Variants in RIC8B observed in about 807,000 individuals in gnomAD.
The protein encoded by RIC8B is chaperone Ric-8B.
RIC8B carries 16 observed loss-of-function variants against 57.5 expected under a neutral mutation model. The ratio of observed to expected loss-of-function variants is 0.28; its 90% CI spans 0.19 to 0.42. RIC8B has a LOEUF of 0.42. Among genes scored for constraint, RIC8B ranks in the 10% least tolerant of loss-of-function variants. The probability of loss-of-function intolerance (pLI) is 1.00; values close to 1 mark genes in which losing one functional copy is unlikely to be tolerated. For missense variants in RIC8B, 481 were observed against 677.0 expected, an observed-to-expected ratio of 0.71 and a Z score of 3.21; for synonymous variants, 216 against 250.8, an observed-to-expected ratio of 0.86 and a Z score of 1.31.
At chr12:106,869,605 T>C (rs998770863) in intron 8 of RIC8B, among the ~76,000 whole-genome samples, 5 of 152,192 alleles carry the variant, frequency 3.3e-5, no homozygotes, top group Non-Finnish European at 7.3e-5. Flanking sequence ...AGCAATTTAT[T>C]AGCAATTGCT....
chr12:106,882,486 T>C (rs914384103), intron 9 of RIC8B, among the ~76,000 whole-genome samples: 2 of 152,148 alleles, frequency 1.3e-5, no homozygotes, highest in Admixed American at 6.6e-5. Context: ...TTATTATTAT[T>C]ATTATTATTA....
intron 9 of RIC8B, chr12:106,872,922 A>G (rs920087880): frequency 1.7e-6 from 1 of 586,402 alleles, no homozygotes; most frequent in East Asian, 1.4e-4. Context: ...AAGACTACAC[A>G]GTATAATCCA....
In RIC8B at chr12:106,775,240, G is replaced by A. The variant is rs147093031; in HGVS notation, c.84+411G>A. The A allele has an allele frequency of 4.5e-4, 195 of 430,540 alleles. 1 individual carries two copies. Among genetic ancestry groups the A allele is most frequent in the African/African-American group, 3.5e-3 (173 of 49,158 alleles). The allele number at this position is 430,540 out of a possible 1,614,324, so 26.7% of individuals were successfully genotyped here. A position where few individuals can be genotyped will look rare whatever the true frequency, so the allele number is the denominator to read the frequency against. ...CCCTTGACATGCATCAAATGTATCA[G>A]CAACGATGGCAGTTTCTATACGTTT... is the stretch of plus-strand genomic sequence containing the variant. On this transcript the variant is annotated intron_variant, in intron 1 of 9. Coordinates refer to ENST00000392837, the MANE Select transcript of RIC8B (RefSeq NM_001330145.2).
At chr12:106,880,876 T>C (rs1950893330) in intron 9 of RIC8B, among the ~76,000 whole-genome samples, 1 of 152,186 alleles carries the variant, frequency 6.6e-6, no homozygotes, top group Non-Finnish European at 1.5e-5. Flanking sequence ...CAGAATTTCC[T>C]GTGGAATGTT....
chr12:106,851,636 G>A (rs1949481728), intron 7 of RIC8B, 42 bp downstream of exon 7: 8 of 1,564,138 alleles, frequency 5.1e-6, no homozygotes, highest in Non-Finnish European at 5.3e-6. Context: ...ATCTTTCAGA[G>A]GGACTTTGAG....
chr12:106,814,138 CT>C (rs1282759699), intron 2 of RIC8B, among the ~76,000 whole-genome samples: 2 of 152,066 alleles, frequency 1.3e-5, no homozygotes, highest in African/African-American at 4.8e-5. Flanking sequence ...CCAGTGGGAA[CT>C]TTTTTCTGTA....
intron 9 of RIC8B, among the ~76,000 whole-genome samples, chr12:106,881,433 TC>T (rs927472527): frequency 6.6e-6 from 1 of 151,644 alleles, no homozygotes; most frequent in African/African-American, 2.4e-5. Context: ...CTTGACTAAT[TC>T]TTCTGCTTCT....
At chr12:106,832,566 GA>G (rs5800719) in intron 4 of RIC8B, among the ~76,000 whole-genome samples, 140 of 143,306 alleles carry the variant, frequency 9.8e-4, no homozygotes, top group East Asian at 3.3e-3. Flanking sequence ...GACTCTGTAT[GA>G]AAAAAAAAAA....
At chr12:106,794,262 A>G (rs2044378661) in intron 2 of RIC8B, among the ~76,000 whole-genome samples, 1 of 152,214 alleles carries the variant, frequency 6.6e-6, no homozygotes, top group African/African-American at 2.4e-5. Context: ...TATTCAAGGC[A>G]AAGAACAGAA....
intron 9 of RIC8B, among the ~76,000 whole-genome samples, chr12:106,881,824 G>A (rs193090969): frequency 6.6e-6 from 1 of 152,270 alleles, no homozygotes; most frequent in Non-Finnish European, 1.5e-5. Flanking sequence ...TAGGATGGGG[G>A]TATGAGAAAT....
intron 4 of RIC8B, among the ~76,000 whole-genome samples, chr12:106,835,035 A>G (rs1418276031): frequency 2.0e-5 from 3 of 148,678 alleles, no homozygotes; most frequent in Non-Finnish European, 4.5e-5. Context: ...TCCCACACCC[A>G]GTAGATCATC....
rs758382675 is a variant in RIC8B at position 106,870,824 on chromosome 12, A to G, written c.1453A>G (p.Ile485Val). Residue 485 changes from isoleucine (I) to valine (V), a missense_variant and splice_region_variant, in exon 9 of 10, where the codon ATT becomes GTT. Ile to Val is a conservative substitution (Grantham distance 29). Around this residue, in one of 3 missense-constraint regions of RIC8B, gnomAD observed 43 missense variants for 99.8 expected, o/e 0.43. Coordinates refer to ENST00000392837, the MANE Select transcript of RIC8B (RefSeq NM_001330145.2). ...CATAACTTTTTTTTCTTTTTGTAGC[A>G]TTAATCTTATCACTGGTCATTTAGA... Reference protein sequence around the residue: ...TEEYKNAKPNINLITGHLEEP... With the variant: ...TEEYKNAKPNVNLITGHLEEP... 2.0e-6 allele frequency: 3 copies of G among 1,515,000 alleles called. No individual in the cohort carries two copies. Among genetic ancestry groups the G allele is most frequent in the Non-Finnish European group, 2.7e-6 (3 of 1,130,390 alleles). The allele number at this position is 1,515,000 out of a possible 1,614,324, so 93.8% of individuals were successfully genotyped here.
intron 2 of RIC8B, among the ~76,000 whole-genome samples, chr12:106,800,374 G>T (rs2044678271): frequency 6.6e-6 from 1 of 151,994 alleles, no homozygotes; most frequent in Admixed American, 6.6e-5. Context: ...AGAAGGGGGA[G>T]ATGCTACACA....
chr12:106,778,250 G>A (rs1000804056), intron 1 of RIC8B, among the ~76,000 whole-genome samples: 5 of 152,040 alleles, frequency 3.3e-5, no homozygotes, highest in East Asian at 1.9e-4. Flanking sequence ...GATACCTGTC[G>A]GGCTCCGGGA....
At chr12:106,800,047 G>A (rs961019903) in intron 2 of RIC8B, among the ~76,000 whole-genome samples, 2 of 152,050 alleles carry the variant, frequency 1.3e-5, no homozygotes, top group Admixed American at 1.3e-4. Context: ...CCACTTCTTT[G>A]TATGCATTTA....
intron 8 of RIC8B, among the ~76,000 whole-genome samples, chr12:106,869,050 C>CCTAT (rs1950273453): frequency 6.6e-6 from 1 of 151,922 alleles, no homozygotes; most frequent in East Asian, 1.9e-4. Flanking sequence ...ACTCTACGCC[C>CCTAT]CTATCTACTT....
At position 106,874,422 on chromosome 12, in the gene RIC8B, G is replaced by A. The variant is rs1247532225; in HGVS notation, c.1571+3480G>A. On this transcript the variant is annotated intron_variant, in intron 9 of 9. Transcript: ENST00000392837. ...TGAAAGGCATGTGAGTAAAGGATAG[G>A]GTTGGAGGTGATGTGGCCAATGAAT... 22 of 1,273,356 alleles carry A rather than the reference G, an allele frequency of 1.7e-5. No individual in the cohort carries two copies. The Admixed American group carries it at 3.8e-4, about 22-fold the overall frequency. 78.9% of individuals were successfully genotyped at this position (1,273,356 alleles called of 1,614,324 possible).
intron 4 of RIC8B, among the ~76,000 whole-genome samples, chr12:106,831,843 ACT>A (rs2046363418): frequency 1.3e-5 from 2 of 151,806 alleles, no homozygotes; most frequent in Admixed American, 6.6e-5. Context: ...CACCTTGGGA[ACT>A]CTCTGCCCCG....
intron 7 of RIC8B, 107 bp from the exon 8 acceptor site, chr12:106,860,161 G>C: frequency 1.0e-6 from 1 of 962,480 alleles, no homozygotes; most frequent in Non-Finnish European, 1.5e-6. Flanking sequence ...CAGTTTAAAG[G>C]TTTACTGCCA....
Sources: allele counts gnomAD v4.1 joint callset (sites outside exome capture counted in the v4.1 genomes callset), GRCh38; gene constraint gnomAD v4.1.1; regional missense constraint gnomAD v4.1.1; transcripts MANE v1.5; gene names NCBI Gene and HGNC (gene_info 2026-07-23, HGNC 2026-07-21).